Variants in DPY19L4 observed in about 807,000 individuals in gnomAD.
The protein encoded by DPY19L4 is probable C-mannosyltransferase DPY19L4.
Under a neutral mutation model 102.8 loss-of-function variants are expected in DPY19L4, and 97 were observed. The observed-to-expected ratio is 0.94, with a 90% confidence interval of 0.80 to 1.12. The LOEUF is 1.12. Ranked by LOEUF, DPY19L4 falls within the 50% of genes most tolerant of loss-of-function variation. The pLI is 0.00. For synonymous variants in DPY19L4, 252 were observed against 283.1 expected (o/e 0.89, Z 1.10); for missense variants, 815 against 850.4 (o/e 0.96, Z 0.52).
chr8:94,745,740 T>C (rs936412863), intron 6 of DPY19L4, among the ~76,000 whole-genome samples: 2 of 152,152 alleles, frequency 1.3e-5, no homozygotes, highest in African/African-American at 2.4e-5. Context: ...ATTTATGTAT[T>C]GTAGCATTGT....
intron 12 of DPY19L4, among the ~76,000 whole-genome samples, chr8:94,769,010 T>TAA (rs527976884): frequency 0.013 from 1,562 of 124,902 alleles, 39 homozygotes; most frequent in African/African-American, 0.043. Context: ...ACTCCCTCTC[T>TAA]AAAAAAAAAA....
intron 17 of DPY19L4, among the ~76,000 whole-genome samples, chr8:94,786,424 C>CATTTATTTATTT (rs10576755): frequency 2.7e-4 from 41 of 149,554 alleles, no homozygotes; most frequent in African/African-American, 9.8e-4. Context: ...CATGCCCGGC[C>CATTTATTTATTT]ATTTATTTAT....
intron 13 of DPY19L4, among the ~76,000 whole-genome samples, chr8:94,776,963 C>CAAAA (rs60781801): frequency 2.1e-5 from 2 of 94,500 alleles, no homozygotes; most frequent in African/African-American, 3.5e-5. Context: ...GACTCCGCTT[C>CAAAA]AAAAAAAAAA....
chr8:94,731,042 G>A (rs1810929722), intron 2 of DPY19L4, among the ~76,000 whole-genome samples: 2 of 135,998 alleles, frequency 1.5e-5, no homozygotes, highest in African/African-American at 5.8e-5. Flanking sequence ...ACCACTCCCG[G>A]CCAACTCTGT....
At chr8:94,770,677 C>A (rs181662393) in intron 13 of DPY19L4, 106 bp downstream of exon 13, 15 of 1,427,664 alleles carry the variant, frequency 1.1e-5, no homozygotes, top group African/African-American at 1.4e-5. Flanking sequence ...GCGGGTGGCT[C>A]ACCTGAGTTC....
chr8:94,775,152 C>T (rs1470260300), intron 13 of DPY19L4, among the ~76,000 whole-genome samples: 3 of 151,626 alleles, frequency 2.0e-5, no homozygotes, highest in Non-Finnish European at 4.4e-5. Flanking sequence ...CATTGTGCCC[C>T]TAGATCAGCT....
chr8:94,731,783 G>A (rs936499576), intron 2 of DPY19L4, among the ~76,000 whole-genome samples: 1 of 151,554 alleles, frequency 6.6e-6, no homozygotes, highest in African/African-American at 2.4e-5. Context: ...ACGGAGTCTC[G>A]CTCTGTTGCC....
At chr8:94,771,105 C>T (rs1191929647) in intron 13 of DPY19L4, among the ~76,000 whole-genome samples, 1 of 151,894 alleles carries the variant, frequency 6.6e-6, no homozygotes, top group Non-Finnish European at 1.5e-5. Context: ...TTAGTAGAGA[C>T]AGGGTTTCAC....
chr8:94,744,797 ATGTATGT>A (rs1811599183), intron 6 of DPY19L4: 3 of 330,336 alleles, frequency 9.1e-6, no homozygotes, highest in South Asian at 7.8e-5. Flanking sequence ...GATGTCACTG[ATGTATGT>A]TGTATTGCTG....
intron 6 of DPY19L4, among the ~76,000 whole-genome samples, chr8:94,741,070 T>C (rs1811425597): frequency 6.6e-6 from 1 of 152,228 alleles, no homozygotes; most frequent in African/African-American, 2.4e-5. Context: ...CTGAAAGTTA[T>C]GTGTAAAGGC....
rs1477883284 is a variant in DPY19L4, at chr8:94,739,711, G to A, written c.532G>A (p.Ala178Thr). The change falls in exon 6 of 19, where the codon GCT becomes ACT. Residue 178 changes from alanine (A) to threonine (T), a missense_variant. Ala to Thr is a moderately conservative substitution (Grantham distance 58). Coordinates refer to ENST00000414645, the MANE Select transcript of DPY19L4 (RefSeq NM_181787.3). ...TGGATTGCAAGGAATATATGTTACTGCTTTATTTGTTACAAGTTGGCTTAT... is the reference window on the plus strand; with the variant it reads ...TGGATTGCAAGGAATATATGTTACTACTTTATTTGTTACAAGTTGGCTTAT... ...VFGLQGIYVTALFVTSWLMSG... is the reference protein window; with the variant it reads ...VFGLQGIYVTTLFVTSWLMSG... 1.2e-6 allele frequency: 2 copies of A among 1,613,824 alleles called. No homozygotes were observed.
In DPY19L4 at chr8:94,784,564, G is replaced by A. The variant is rs185632422; in HGVS notation, c.1848+762G>A. On this transcript the variant is annotated intron_variant, in intron 17 of 18. Transcript: ENST00000414645. ...CTGCCTCAGTCTCCCGAGTAGCTGG[G>A]ATTACAGGCACCAGCCACCATGACC... Among the ~76,000 whole-genome samples, 677 of 152,232 alleles carry A rather than the reference G, an allele frequency of 4.4e-3. 3 individuals are homozygous for A. Among genetic ancestry groups the A allele is most frequent in the African/African-American group, 0.016 (649 of 41,530 alleles).
chr8:94,777,644 T>C, intron 13 of DPY19L4, 22 bp from the exon 14 acceptor site: 2 of 1,607,628 alleles, frequency 1.2e-6, no homozygotes, highest in Non-Finnish European at 1.7e-6. Flanking sequence ...GTCTCATGTA[T>C]GACTCCATTT....
In DPY19L4 at chr8:94,748,638, C is replaced by T. The variant is rs566001607; in HGVS notation, c.612-7398C>T. 1.6e-3 allele frequency among the ~76,000 whole-genome samples: 236 copies of T among 144,270 alleles called. 5 individuals are homozygous for T. The South Asian group carries it at 0.034, about 21-fold the overall frequency. The allele number at this position is 144,270 out of a possible 152,430, so 94.6% of individuals were successfully genotyped here. A position where few individuals can be genotyped will look rare whatever the true frequency, so the allele number is the denominator to read the frequency against. On this transcript the variant is annotated intron_variant, in intron 6 of 18. Coordinates refer to ENST00000414645, the MANE Select transcript of DPY19L4 (RefSeq NM_181787.3). Reference sequence around the variant, plus strand: ...GCAGTGACAATGATGATGATGATGACGATGATGATGATGATGACAACTGCA... The same window carrying T: ...GCAGTGACAATGATGATGATGATGATGATGATGATGATGATGACAACTGCA...
intron 1 of DPY19L4, among the ~76,000 whole-genome samples, chr8:94,725,932 C>T (rs193026727): frequency 2.6e-5 from 4 of 152,220 alleles, no homozygotes; most frequent in Admixed American, 2.6e-4. Flanking sequence ...CCACAGCGCC[C>T]GGCTATGTTT....
chr8:94,733,120 T>G, intron 2 of DPY19L4, among the ~76,000 whole-genome samples: 1 of 67,476 alleles, frequency 1.5e-5, no homozygotes, highest in Admixed American at 1.4e-4. Flanking sequence ...ATCTTAACCT[T>G]TTTTTTTTTT....
At chr8:94,739,941 G>GTA in intron 6 of DPY19L4, 151 bp downstream of exon 6, 2 of 1,085,408 alleles carry the variant, frequency 1.8e-6, no homozygotes, top group Non-Finnish European at 2.6e-6. Flanking sequence ...ATGATACTTT[G>GTA]TATAGCACAT....
chr8:94,782,643 G>A (rs1244001576), intron 16 of DPY19L4, among the ~76,000 whole-genome samples: 1 of 151,860 alleles, frequency 6.6e-6, no homozygotes, highest in Non-Finnish European at 1.5e-5. Flanking sequence ...TGGGAAAAAA[G>A]ACAAAAAGTG....
intron 16 of DPY19L4, 90 bp downstream of exon 16, chr8:94,781,256 A>C: frequency 8.7e-7 from 1 of 1,148,434 alleles, no homozygotes; most frequent in African/African-American, 1.6e-5. Flanking sequence ...ATAAATTAAT[A>C]CTTCTCCAAA....
Sources: allele counts gnomAD v4.1 joint callset (sites outside exome capture counted in the v4.1 genomes callset), GRCh38; gene constraint gnomAD v4.1.1; transcripts MANE v1.5; gene names NCBI Gene and HGNC (gene_info 2026-07-23, HGNC 2026-07-21).